Variants in ADAMTS17 observed in about 807,000 individuals in gnomAD.
The protein encoded by ADAMTS17 is ADAM metallopeptidase with thrombospondin type 1 motif 17, also known as A disintegrin and metalloproteinase with thrombospondin motifs 17.
ADAMTS17 carries 113 observed loss-of-function variants against 141.5 expected under a neutral mutation model. The observed-to-expected ratio is 0.80, with a 90% confidence interval of 0.69 to 0.93. The LOEUF (loss-of-function observed/expected upper bound fraction) is 0.93, where lower values mean the gene tolerates loss of function less well. Among genes scored for constraint, ADAMTS17 ranks in the 40% least tolerant of loss-of-function variants. ADAMTS17 has a pLI of 0.00. For missense variants in ADAMTS17, 1,659 were observed against 1,517.9 expected, an observed-to-expected ratio of 1.09 and a Z score of -1.54; for synonymous variants, 768 against 630.6, an observed-to-expected ratio of 1.22 and a Z score of -3.27.
intron 18 of ADAMTS17, among the ~76,000 whole-genome samples, chr15:100,035,313 A>C (rs557808624): frequency 6.6e-6 from 1 of 152,232 alleles, no homozygotes; most frequent in South Asian, 2.1e-4. Context: ...ACAGATGTAA[A>C]ACGTGATCAT....
intron 3 of ADAMTS17, among the ~76,000 whole-genome samples, chr15:100,290,333 A>G (rs1596458792): frequency 6.6e-6 from 1 of 152,220 alleles, no homozygotes; most frequent in African/African-American, 2.4e-5. Context: ...GAGAACTACA[A>G]AACACTTCTC....
chr15:100,040,123 A>G (rs2031114092), intron 18 of ADAMTS17, among the ~76,000 whole-genome samples: 1 of 152,220 alleles, frequency 6.6e-6, no homozygotes, highest in Admixed American at 6.5e-5. Flanking sequence ...TGGACTGTTC[A>G]TTGCTGTAAG....
At chr15:100,243,227 C>T (rs2042879975) in intron 7 of ADAMTS17, among the ~76,000 whole-genome samples, 1 of 152,050 alleles carries the variant, frequency 6.6e-6, no homozygotes, top group Admixed American at 6.5e-5. Context: ...ATCCACTCAC[C>T]CCTCTATCAA....
intron 8 of ADAMTS17, among the ~76,000 whole-genome samples, chr15:100,192,757 A>G (rs2040966174): frequency 1.3e-5 from 2 of 152,204 alleles, no homozygotes; most frequent in African/African-American, 4.8e-5. Flanking sequence ...ACACATCTGG[A>G]TAATGGCTTG....
intron 8 of ADAMTS17, among the ~76,000 whole-genome samples, chr15:100,156,960 G>A (rs1369947597): frequency 6.6e-6 from 1 of 152,220 alleles, no homozygotes; most frequent in Non-Finnish European, 1.5e-5. Context: ...AATTTTTAAA[G>A]GAAAGAGGTT....
At chr15:100,171,987 A>C (rs2040178012) in intron 8 of ADAMTS17, among the ~76,000 whole-genome samples, 1 of 152,204 alleles carries the variant, frequency 6.6e-6, no homozygotes, top group African/African-American at 2.4e-5. Context: ...ATAAGAAATC[A>C]GAGGCAAGCA....
intron 18 of ADAMTS17, among the ~76,000 whole-genome samples, chr15:100,008,562 G>A (rs890195090): frequency 1.3e-5 from 2 of 152,342 alleles, no homozygotes; most frequent in African/African-American, 2.4e-5. Context: ...CTTGGCCAGC[G>A]CTGGACTGCC....
At chr15:100,038,426 G>T (rs78110787) in intron 18 of ADAMTS17, among the ~76,000 whole-genome samples, 2,428 of 152,268 alleles carry the variant, frequency 0.016, 60 homozygotes, top group African/African-American at 0.053. Context: ...TTTTGATAGA[G>T]ATTGCACTAA....
chr15:100,280,485 T>A (rs1165039125), intron 4 of ADAMTS17, among the ~76,000 whole-genome samples: 7 of 152,218 alleles, frequency 4.6e-5, no homozygotes, highest in African/African-American at 1.4e-4. Context: ...CTTCCTAACA[T>A]CAACCTCGGC....
At chr15:100,179,919 G>C (rs796886604) in intron 8 of ADAMTS17, among the ~76,000 whole-genome samples, 2 of 152,126 alleles carry the variant, frequency 1.3e-5, no homozygotes, top group African/African-American at 4.8e-5. Flanking sequence ...ATGTATTCTG[G>C]TTATTAATCT....
chr15:100,155,721 G>A (rs773057907), intron 8 of ADAMTS17, among the ~76,000 whole-genome samples: 4 of 152,154 alleles, frequency 2.6e-5, no homozygotes, highest in South Asian at 2.1e-4. Context: ...CTGTGCTAAC[G>A]GGAATCACTG....
At chr15:100,154,065 C>T (rs529457021) in intron 9 of ADAMTS17, among the ~76,000 whole-genome samples, 2 of 152,254 alleles carry the variant, frequency 1.3e-5, no homozygotes, top group South Asian at 4.1e-4. Context: ...CCGGTAATCC[C>T]AGCTACTGGG....
At chr15:100,108,134 G>A (rs970551921) in intron 14 of ADAMTS17, among the ~76,000 whole-genome samples, 1 of 152,048 alleles carries the variant, frequency 6.6e-6, no homozygotes, top group African/African-American at 2.4e-5. Flanking sequence ...CAGGGTTAAT[G>A]CAGGTGGAGG....
At position 100,062,714 on chromosome 15, in the gene ADAMTS17, T is replaced by C. The variant is rs76650486; in HGVS notation, c.2138-8660A>G. Among the ~76,000 whole-genome samples, 239 of 152,342 alleles carry C rather than the reference T, an allele frequency of 1.6e-3. 3 individuals are homozygous for C. In the East Asian group the frequency reaches 0.042, roughly 27 times the overall value. ...CATTTTTGAAACTAGACAAATCATG[T>C]CTTACTTTTTCTTTCTTCAGTCTCA... On this transcript the variant is annotated intron_variant, in intron 15 of 21. Transcript: ENST00000268070.
At chr15:100,101,262 T>A (rs1165129577) in intron 14 of ADAMTS17, among the ~76,000 whole-genome samples, 2 of 125,058 alleles carry the variant, frequency 1.6e-5, no homozygotes, top group African/African-American at 8.4e-5. Context: ...TGGGTCTCTC[T>A]ATGGCACCAT....
At chr15:100,251,486 G>T (rs1328528590) in intron 7 of ADAMTS17, among the ~76,000 whole-genome samples, 1 of 152,254 alleles carries the variant, frequency 6.6e-6, no homozygotes, top group Non-Finnish European at 1.5e-5. Context: ...AGCACTCTGG[G>T]AGGCCGAGGC....
intron 7 of ADAMTS17, among the ~76,000 whole-genome samples, chr15:100,201,033 C>T (rs569066537): frequency 1.4e-4 from 21 of 152,342 alleles, no homozygotes; most frequent in African/African-American, 4.8e-4. Flanking sequence ...GACAGGGGAA[C>T]CATTTCATTA....
At chr15:100,106,875 C>T (rs60767084) in intron 14 of ADAMTS17, among the ~76,000 whole-genome samples, 11 of 152,170 alleles carry the variant, frequency 7.2e-5, no homozygotes, top group South Asian at 6.2e-4. Context: ...TACTGCCCGA[C>T]GGGCAGGGCC....
At chr15:100,167,377 C>T (rs191469315) in intron 8 of ADAMTS17, among the ~76,000 whole-genome samples, 5 of 152,336 alleles carry the variant, frequency 3.3e-5, no homozygotes, top group African/African-American at 1.2e-4. Context: ...CCTGTTATCA[C>T]GTACTGACTC....
Sources: allele counts gnomAD v4.1 joint callset (sites outside exome capture counted in the v4.1 genomes callset), GRCh38; gene constraint gnomAD v4.1.1; transcripts MANE v1.5; gene names NCBI Gene and HGNC (gene_info 2026-07-23, HGNC 2026-07-21).